The following IBTK variants were observed in gnomAD, a reference collection of about 807,000 sequenced individuals.
IBTK encodes the protein BTK-binding protein.
Under a neutral mutation model 154.9 loss-of-function variants are expected in IBTK, and 83 were observed. The observed-to-expected ratio is 0.54, with a 90% CI of 0.45 to 0.64. IBTK has a LOEUF of 0.64. Ranked by LOEUF, IBTK falls within the 30% of genes least tolerant of loss-of-function variation. IBTK has a pLI of 0.00. For missense variants in IBTK, 1,332 were observed against 1,584.6 expected (o/e 0.84, Z 2.71); for synonymous variants, 515 against 536.1 (o/e 0.96, Z 0.54).
rs949600104 is a variant in IBTK at position 82,247,731 on chromosome 6, T to C, written c.-527A>G. ...TGCAATACAGCCGCTACTACAGGAA[T>C]CGGGAACGGGGATGTAGAGGAAGGG... is the stretch of plus-strand genomic sequence containing the variant. On this transcript the variant is annotated 5_prime_UTR_variant, in exon 1 of 29. Transcript: ENST00000306270. The C allele has an allele frequency of 5.0e-6, 2 of 398,052 alleles. No individual in the cohort carries two copies. Among genetic ancestry groups the C allele is most frequent in the African/African-American group, 4.1e-5 (2 of 48,734 alleles). 24.7% of individuals were successfully genotyped at this position (398,052 alleles called of 1,614,324 possible).
At chr6:82,199,851 C>G (rs1769135031) in intron 21 of IBTK, among the ~76,000 whole-genome samples, 1 of 152,172 alleles carries the variant, frequency 6.6e-6, no homozygotes, top group South Asian at 2.1e-4. Flanking sequence ...AGCTTGGGAA[C>G]ACATTGCCCC....
intron 26 of IBTK, 157 bp from the exon 27 acceptor site, chr6:82,173,595 A>G (rs1446161197): frequency 6.4e-6 from 3 of 471,342 alleles, no homozygotes; most frequent in Non-Finnish European, 1.1e-5. Flanking sequence ...AGTAAACAAA[A>G]TAATCTATAT....
intron 5 of IBTK, among the ~76,000 whole-genome samples, 195 bp downstream of exon 5, chr6:82,226,997 T>C (rs1368201104): frequency 6.6e-6 from 1 of 152,228 alleles, no homozygotes; most frequent in Non-Finnish European, 1.5e-5. Flanking sequence ...AGTATTACTT[T>C]TTTTAATCCT....
chr6:82,246,019 C>A (rs148166573), intron 1 of IBTK, among the ~76,000 whole-genome samples: 1 of 152,106 alleles, frequency 6.6e-6, no homozygotes, highest in African/African-American at 2.4e-5. Context: ...CTTATTATTG[C>A]CCCTGTAAAT....
At chr6:82,179,644 T>A (rs1424687564) in intron 26 of IBTK, among the ~76,000 whole-genome samples, 1 of 152,214 alleles carries the variant, frequency 6.6e-6, no homozygotes, top group Non-Finnish European at 1.5e-5. Context: ...GAACTTAGCC[T>A]GTACTGGTAC....
At chr6:82,224,369 C>T (rs1188645846) in intron 6 of IBTK, among the ~76,000 whole-genome samples, 184 bp from the exon 7 acceptor site, 1 of 152,180 alleles carries the variant, frequency 6.6e-6, no homozygotes, top group Non-Finnish European at 1.5e-5. Context: ...TCTCGGAACA[C>T]AAAACATTGT....
intron 20 of IBTK, 107 bp from the exon 21 acceptor site, chr6:82,200,360 T>C: frequency 1.2e-6 from 1 of 849,560 alleles, no homozygotes; most frequent in South Asian, 1.7e-5. Flanking sequence ...TTAAAATATT[T>C]ACACTTTCAA....
At chr6:82,203,298 C>G (rs1364911832) in intron 17 of IBTK, among the ~76,000 whole-genome samples, 1 of 152,090 alleles carries the variant, frequency 6.6e-6, no homozygotes, top group Non-Finnish European at 1.5e-5. Context: ...CCTAGAGACT[C>G]TCCCAGAATA....
chr6:82,220,758 C>CT, intron 8 of IBTK, 45 bp from the exon 9 acceptor site: 2 of 1,404,014 alleles, frequency 1.4e-6, no homozygotes, highest in Non-Finnish European at 1.9e-6. Context: ...GTTCTCTAAA[C>CT]TACACATGCC....
intron 4 of IBTK, among the ~76,000 whole-genome samples, chr6:82,227,513 C>T (rs545081777): frequency 5.3e-5 from 8 of 151,372 alleles, no homozygotes; most frequent in East Asian, 1.9e-4. Context: ...AACATTGACA[C>T]GAAAAAAAAG....
chr6:82,239,558 G>A (rs911940505), intron 2 of IBTK, among the ~76,000 whole-genome samples: 11 of 148,298 alleles, frequency 7.4e-5, no homozygotes, highest in Non-Finnish European at 1.3e-4. Context: ...ATTAGACTGG[G>A]GCAACTCTAG....
Position 82,202,523 on chromosome 6 carries a change from C to G in IBTK, c.2729+5G>C, listed in dbSNP as rs751673820. 4.0e-6 allele frequency: 6 copies of G among 1,499,430 alleles called. No individual in the cohort carries two copies. The South Asian group carries it at 6.9e-5, about 17-fold the overall frequency. 92.9% of individuals were successfully genotyped at this position (1,499,430 alleles called of 1,614,324 possible). A position where few individuals can be genotyped will look rare whatever the true frequency, so the allele number is the denominator to read the frequency against. On this transcript the variant is annotated splice_donor_5th_base_variant and intron_variant, in intron 18 of 28. Coordinates refer to ENST00000306270, the MANE Select transcript of IBTK (RefSeq NM_015525.4). ...ACAATCTTACAACATATGCACCTCA[C>G]CTACCTTGCTTCAAGTAAAGCTGCC... is the stretch of plus-strand genomic sequence containing the variant.
At chr6:82,229,528 T>C (rs993003371) in intron 4 of IBTK, among the ~76,000 whole-genome samples, 1 of 152,068 alleles carries the variant, frequency 6.6e-6, no homozygotes, top group African/African-American at 2.4e-5. Flanking sequence ...CATTAGTGGC[T>C]GCTAATGGTT....
chr6:82,213,189 G>A (rs572654432), intron 12 of IBTK, among the ~76,000 whole-genome samples: 27 of 152,056 alleles, frequency 1.8e-4, no homozygotes, highest in Admixed American at 5.9e-4. Context: ...CACCATTCCC[G>A]GCTAATTTTT....
At chr6:82,208,572 T>A (rs568571240) in intron 16 of IBTK, among the ~76,000 whole-genome samples, 1 of 151,962 alleles carries the variant, frequency 6.6e-6, no homozygotes, top group Admixed American at 6.6e-5. Context: ...GGAGGCTCTG[T>A]CTCTAAAAAA....
intron 23 of IBTK, among the ~76,000 whole-genome samples, chr6:82,193,733 G>C (rs1480230671): frequency 4.6e-5 from 7 of 152,074 alleles, no homozygotes; most frequent in Admixed American, 6.5e-5. Flanking sequence ...CCAGGCTGGA[G>C]TGCAGTGGCG....
In IBTK at chr6:82,240,348, T is replaced by C. The variant is rs759663459; in HGVS notation, c.139A>G (p.Ile47Val). 174 of 1,614,076 alleles carry C rather than the reference T, an allele frequency of 1.1e-4. No individual in the cohort carries two copies. Among genetic ancestry groups the C allele is most frequent in the Non-Finnish European group, 1.4e-4 (167 of 1,180,042 alleles). Residue 47 changes from isoleucine (I) to valine (V), a missense_variant, in exon 2 of 29, where the codon ATC becomes GTC. By Grantham distance (29) the Ile-to-Val change is conservative. Around this residue, in one of 3 missense-constraint regions of IBTK, gnomAD observed 84 missense variants for 96.2 expected, o/e 0.87. Transcript: ENST00000306270. Reference protein sequence around the residue: ...LSSHCYNAATIKDVFGRNALH... With the variant: ...LSSHCYNAATVKDVFGRNALH... ...GCATTCCTGCCAAAAACATCCTTGA[T>C]AGTTGCAGCATTGTAACAATGACTG...
chr6:82,206,207 TCCATAATCACAGGGAATCACA>T (rs1769405599), intron 16 of IBTK, among the ~76,000 whole-genome samples: 1 of 152,108 alleles, frequency 6.6e-6, no homozygotes, highest in Admixed American at 6.5e-5. Context: ...AACCAACAGC[TCCATAATCACAGGGAATCACA>T]TTGACAGCCT....
chr6:82,209,563 A>G (rs891528770), intron 16 of IBTK, among the ~76,000 whole-genome samples: 3 of 152,192 alleles, frequency 2.0e-5, no homozygotes, highest in African/African-American at 7.2e-5. Flanking sequence ...GACTGGGGAT[A>G]AGAGAGAGTG....
Sources: allele counts gnomAD v4.1 joint callset (sites outside exome capture counted in the v4.1 genomes callset), GRCh38; gene constraint gnomAD v4.1.1; regional missense constraint gnomAD v4.1.1; transcripts MANE v1.5; gene names NCBI Gene and HGNC (gene_info 2026-07-23, HGNC 2026-07-21).